Variants in RANBP17 observed in about 807,000 individuals in gnomAD.
The protein encoded by RANBP17 is RAN binding protein 17.
Under a neutral mutation model 141.2 loss-of-function variants are expected in RANBP17, and 158 were observed. The observed-to-expected ratio is 1.12, with a 90% CI of 0.98 to 1.28. The LOEUF is 1.28. Among genes scored for constraint, RANBP17 ranks in the 50% most tolerant of loss-of-function variants. The pLI is 0.00. For missense variants in RANBP17, 1,438 were observed against 1,290.7 expected, an observed-to-expected ratio of 1.11 and a Z score of -1.75; for synonymous variants, 430 against 450.0, an observed-to-expected ratio of 0.96 and a Z score of 0.56.
chr5:171,197,487 G>A (rs10516079), intron 18 of RANBP17, among the ~76,000 whole-genome samples: 4,994 of 152,166 alleles, frequency 0.033, 154 homozygotes, highest in East Asian at 0.12. Context: ...GTTTACTGCC[G>A]AGCCCTACAT....
At chr5:171,155,925 A>G (rs981184816) in intron 14 of RANBP17, among the ~76,000 whole-genome samples, 2 of 152,132 alleles carry the variant, frequency 1.3e-5, no homozygotes, top group African/African-American at 4.8e-5. Flanking sequence ...TCTCATCATA[A>G]GATTGGAGCA....
chr5:171,198,884 G>A (rs1045461539), intron 18 of RANBP17, among the ~76,000 whole-genome samples: 1 of 152,136 alleles, frequency 6.6e-6, no homozygotes, highest in African/African-American at 2.4e-5. Flanking sequence ...TGTGACTTAG[G>A]ATGAATGAGT....
Position 170,918,845 on chromosome 5 carries a change from A to AT in RANBP17, c.1089dup (p.Thr364TyrfsTer2). The AT allele has an allele frequency of 6.3e-7, 1 of 1,579,748 alleles. No individual in the cohort carries two copies. Among genetic ancestry groups the AT allele is most frequent in the South Asian group, 1.2e-5 (1 of 86,236 alleles). ...TATTAGATTGATTGCTAATTTTACCATTACTAGCCTACAGGTAGGTAAAAA... is the reference window on the plus strand; with the variant it reads ...TATTAGATTGATTGCTAATTTTACCATTTACTAGCCTACAGGTAGGTAAAAA... On this transcript the variant is annotated frameshift_variant, in exon 10 of 28. Coordinates refer to ENST00000523189, the MANE Select transcript of RANBP17 (RefSeq NM_022897.5). LOFTEE classifies it high-confidence loss of function.
intron 12 of RANBP17, among the ~76,000 whole-genome samples, chr5:170,948,784 A>G (rs964764762): frequency 6.6e-6 from 1 of 152,096 alleles, no homozygotes; most frequent in East Asian, 1.9e-4. Flanking sequence ...TGGAAGACTC[A>G]TATTTTTTTT....
At chr5:170,917,338 T>A (rs1463199035) in intron 9 of RANBP17, among the ~76,000 whole-genome samples, 2 of 152,182 alleles carry the variant, frequency 1.3e-5, no homozygotes, top group Non-Finnish European at 2.9e-5. Flanking sequence ...ATTTTAAAAT[T>A]TTTTCTGCAT....
chr5:171,110,201 A>T (rs922667123), intron 14 of RANBP17, among the ~76,000 whole-genome samples: 1 of 151,962 alleles, frequency 6.6e-6, no homozygotes, highest in Non-Finnish European at 1.5e-5. Flanking sequence ...GCTCTGTGAC[A>T]TTGGACAAAT....
intron 14 of RANBP17, among the ~76,000 whole-genome samples, chr5:170,971,451 G>GT (rs1776981985): frequency 6.6e-6 from 1 of 152,164 alleles, no homozygotes; most frequent in Admixed American, 6.5e-5. Flanking sequence ...TAACCAATGT[G>GT]TTTAAGTGGT....
intron 18 of RANBP17, among the ~76,000 whole-genome samples, chr5:171,194,009 C>A (rs1468530129): frequency 1.3e-5 from 2 of 152,200 alleles, no homozygotes; most frequent in Non-Finnish European, 2.9e-5. Context: ...AGTAAATCCT[C>A]AGTAACTGTT....
At chr5:171,264,915 G>A (rs561963363) in intron 24 of RANBP17, among the ~76,000 whole-genome samples, 1 of 152,258 alleles carries the variant, frequency 6.6e-6, no homozygotes, top group Admixed American at 6.5e-5. Context: ...ATCAGGTGCT[G>A]CCTCCTTCAC....
chr5:171,073,643 G>A (rs1228713028), intron 14 of RANBP17, among the ~76,000 whole-genome samples: 1 of 152,110 alleles, frequency 6.6e-6, no homozygotes, highest in African/African-American at 2.4e-5. Context: ...GTACATGTGT[G>A]TAAAGGCCTA....
At chr5:170,898,599 C>T (rs879019970) in intron 5 of RANBP17, among the ~76,000 whole-genome samples, 1 of 152,110 alleles carries the variant, frequency 6.6e-6, no homozygotes, top group Non-Finnish European at 1.5e-5. Flanking sequence ...GAATTCTTTG[C>T]CCATGCCTAT....
At chr5:171,158,461 G>T (rs1759057221) in intron 14 of RANBP17, 1 of 188,334 alleles carries the variant, frequency 5.3e-6, no homozygotes, top group African/African-American at 2.3e-5. Context: ...TACAAAATTG[G>T]AAATGCATTT....
chr5:171,063,319 A>G (rs1379751408), intron 14 of RANBP17, among the ~76,000 whole-genome samples: 16 of 152,098 alleles, frequency 1.1e-4, no homozygotes, highest in Non-Finnish European at 1.8e-4. Context: ...TGATGATGGT[A>G]ATGTACAGAT....
At chr5:171,045,098 T>G (rs1211290188) in intron 14 of RANBP17, among the ~76,000 whole-genome samples, 1 of 152,102 alleles carries the variant, frequency 6.6e-6, no homozygotes, top group African/African-American at 2.4e-5. Context: ...TAAATGTGAT[T>G]TGTATTAGCT....
chr5:171,234,641 T>A (rs1458874664), intron 22 of RANBP17, among the ~76,000 whole-genome samples: 1 of 152,164 alleles, frequency 6.6e-6, no homozygotes, highest in Non-Finnish European at 1.5e-5. Flanking sequence ...AATTTCTTGA[T>A]TCATTGGGCA....
intron 27 of RANBP17, among the ~76,000 whole-genome samples, chr5:171,297,536 G>A (rs1392029789): frequency 2.0e-5 from 3 of 152,174 alleles, no homozygotes; most frequent in African/African-American, 7.2e-5. Flanking sequence ...GACCAAGTCA[G>A]TTGGGGTATG....
intron 14 of RANBP17, among the ~76,000 whole-genome samples, chr5:170,996,633 A>C (rs1177561161): frequency 1.3e-5 from 2 of 152,214 alleles, no homozygotes; most frequent in Non-Finnish European, 2.9e-5. Context: ...GTAGGTGTAC[A>C]TAATGTTTAG....
intron 14 of RANBP17, among the ~76,000 whole-genome samples, chr5:171,006,804 A>C (rs1263851933): frequency 6.6e-6 from 1 of 151,664 alleles, no homozygotes; most frequent in African/African-American, 2.4e-5. Context: ...GTGGTAAAGC[A>C]TCTAAGGGTT....
chr5:170,955,617 GTATATATATATATATATATATA>G (rs35979849), intron 13 of RANBP17, among the ~76,000 whole-genome samples: 1 of 36,906 alleles, frequency 2.7e-5, no homozygotes, highest in Non-Finnish European at 5.0e-5. Flanking sequence ...TATGCTCAGT[GTATATATATATATATATATATA>G]TGCTCAGTGT....
Sources: allele counts gnomAD v4.1 joint callset (sites outside exome capture counted in the v4.1 genomes callset), GRCh38; gene constraint gnomAD v4.1.1; transcripts MANE v1.5; gene names NCBI Gene and HGNC (gene_info 2026-07-23, HGNC 2026-07-21).